BTBD9: variants seen among roughly 807,000 people sequenced by gnomAD.
BTBD9 encodes the protein BTB domain containing 9.
BTBD9 carries 49 observed loss-of-function variants against 64.3 expected under a neutral mutation model. The ratio of observed to expected loss-of-function variants is 0.76; its 90% CI spans 0.61 to 0.97. The LOEUF (loss-of-function observed/expected upper bound fraction) is 0.97. BTBD9 is among the 50% of genes least tolerant of loss of function. BTBD9 has a pLI of 0.00. For missense variants in BTBD9, 598 were observed against 762.1 expected, an observed-to-expected ratio of 0.78 and a Z score of 2.53; for synonymous variants, 260 against 274.7, an observed-to-expected ratio of 0.95 and a Z score of 0.53.
At chr6:38,519,128 A>T (rs1454539611) in intron 6 of BTBD9, among the ~76,000 whole-genome samples, 2 of 152,204 alleles carry the variant, frequency 1.3e-5, no homozygotes, top group Non-Finnish European at 2.9e-5. Flanking sequence ...TGAGCACAGC[A>T]TCCTCTTGCA....
intron 6 of BTBD9, among the ~76,000 whole-genome samples, chr6:38,477,185 G>T (rs1005660877): frequency 1.9e-4 from 29 of 152,212 alleles, no homozygotes; most frequent in African/African-American, 6.8e-4. Flanking sequence ...CTTAATCTGC[G>T]CTTTCTTTCT....
intron 6 of BTBD9, among the ~76,000 whole-genome samples, chr6:38,410,432 T>C (rs9470875): frequency 0.69 from 105,225 of 151,954 alleles, 37,874 homozygotes; most frequent in East Asian, 0.96. Context: ...GTGACCACAC[T>C]ACTGCACTCA....
At chr6:38,374,006 C>G (rs529092484) in intron 6 of BTBD9, among the ~76,000 whole-genome samples, 39 of 151,854 alleles carry the variant, frequency 2.6e-4, no homozygotes, top group African/African-American at 8.7e-4. Flanking sequence ...TGCAGTGGCT[C>G]AGGCCTATAA....
At chr6:38,388,866 G>T (rs1766293430) in intron 6 of BTBD9, among the ~76,000 whole-genome samples, 2 of 152,110 alleles carry the variant, frequency 1.3e-5, no homozygotes, top group Non-Finnish European at 2.9e-5. Context: ...TTAAAAAGAG[G>T]TTAACAAATT....
At chr6:38,490,930 G>A (rs963736745) in intron 6 of BTBD9, among the ~76,000 whole-genome samples, 18 of 152,198 alleles carry the variant, frequency 1.2e-4, no homozygotes, top group Non-Finnish European at 2.6e-4. Context: ...CAGGTAATCT[G>A]ACTGTGACTT....
intron 7 of BTBD9, among the ~76,000 whole-genome samples, chr6:38,297,836 GTTTTC>G: frequency 6.9e-6 from 1 of 145,096 alleles, no homozygotes; most frequent in East Asian, 2.0e-4. Flanking sequence ...TTCTGCTCCA[GTTTTC>G]TTTTTTTTTT....
At chr6:38,532,997 A>C (rs1173210102) in intron 6 of BTBD9, among the ~76,000 whole-genome samples, 1 of 152,064 alleles carries the variant, frequency 6.6e-6, no homozygotes, top group East Asian at 1.9e-4. Context: ...AACACAGAAC[A>C]ACCAGAAAAC....
intron 6 of BTBD9, among the ~76,000 whole-genome samples, chr6:38,430,452 T>C (rs146327956): frequency 6.6e-6 from 1 of 151,602 alleles, no homozygotes. Context: ...CTTGAACTCC[T>C]GGCCTCAAGC....
At position 38,255,566 on chromosome 6, in the gene BTBD9, C is replaced by T. The variant is rs534776273; in HGVS notation, c.1562+843G>A. Among the ~76,000 whole-genome samples the T allele has an allele frequency of 2.3e-4, 35 of 152,372 alleles. 1 individual carries two copies. The South Asian group carries it at 7.2e-3, about 32-fold the overall frequency. On this transcript the variant is annotated intron_variant, in intron 9 of 10. Coordinates refer to ENST00000481247, the MANE Select transcript of BTBD9 (RefSeq NM_001099272.2). ...TGCTAGGCTGCTCAGAACCCACAGA[C>T]TCCTTCCTCCTATCTTCTGCTGCAA... is the stretch of plus-strand genomic sequence containing the variant.
chr6:38,181,410 C>T (rs1214507425), intron 10 of BTBD9, among the ~76,000 whole-genome samples: 1 of 152,202 alleles, frequency 6.6e-6, no homozygotes, highest in Non-Finnish European at 1.5e-5. Context: ...AAAGCCATGA[C>T]TTCTAACTTA....
At chr6:38,599,233 G>A (rs1777164922) in intron 1 of BTBD9, among the ~76,000 whole-genome samples, 2 of 152,072 alleles carry the variant, frequency 1.3e-5, no homozygotes, top group Non-Finnish European at 2.9e-5. Context: ...GAAAGTGGGG[G>A]GTTATAGTCT....
chr6:38,636,502 A>C (rs1030958589), intron 1 of BTBD9, among the ~76,000 whole-genome samples: 13 of 152,222 alleles, frequency 8.5e-5, no homozygotes, highest in African/African-American at 3.1e-4. Context: ...CATCATAAGC[A>C]AACAGTTGCT....
At chr6:38,365,897 GGA>G (rs1765168451) in intron 6 of BTBD9, among the ~76,000 whole-genome samples, 1 of 152,130 alleles carries the variant, frequency 6.6e-6, no homozygotes, top group Non-Finnish European at 1.5e-5. Flanking sequence ...AAAACTGGAA[GGA>G]GAGACTGCTC....
chr6:38,459,537 TC>T (rs766182533), intron 6 of BTBD9, among the ~76,000 whole-genome samples: 5 of 152,192 alleles, frequency 3.3e-5, no homozygotes, highest in Non-Finnish European at 7.3e-5. Context: ...AGCTACATGT[TC>T]CAGATAGTAC....
chr6:38,603,424 T>C (rs1250923365), intron 1 of BTBD9, among the ~76,000 whole-genome samples: 1 of 152,226 alleles, frequency 6.6e-6, no homozygotes, highest in Non-Finnish European at 1.5e-5. Flanking sequence ...CCATTTGTTC[T>C]AACCAAAATA....
chr6:38,337,959 A>G (rs552141701), intron 7 of BTBD9, among the ~76,000 whole-genome samples: 34 of 152,338 alleles, frequency 2.2e-4, no homozygotes, highest in Admixed American at 6.5e-4. Flanking sequence ...TGAAGGTAGC[A>G]GCAGGTGAAT....
At chr6:38,505,964 C>CAACAAAAAAAAAAAAAA (rs1175511241) in intron 6 of BTBD9, among the ~76,000 whole-genome samples, 35 of 82,652 alleles carry the variant, frequency 4.2e-4, no homozygotes, top group African/African-American at 1.4e-3. Flanking sequence ...TCCGTCTCAA[C>CAACAAAAAAAAAAAAAA]AAAAAAAAAA....
intron 6 of BTBD9, among the ~76,000 whole-genome samples, chr6:38,496,831 T>C (rs1429949962): frequency 6.6e-6 from 1 of 152,176 alleles, no homozygotes; most frequent in Non-Finnish European, 1.5e-5. Flanking sequence ...CCAAGTACCC[T>C]ATGACTTACT....
chr6:38,561,038 T>G, intron 6 of BTBD9, among the ~76,000 whole-genome samples: 1 of 152,180 alleles, frequency 6.6e-6, no homozygotes, highest in East Asian at 1.9e-4. Context: ...TGCTGCAATG[T>G]ACATATGCAT....
Sources: gnomAD v4.1 joint callset for allele counts (sites outside exome capture counted in the v4.1 genomes callset) on GRCh38, gnomAD v4.1.1 for gene constraint, MANE v1.5 for transcripts, NCBI Gene and HGNC (gene_info 2026-07-23, HGNC 2026-07-21) for gene names.